Variants in QRICH1 observed in about 807,000 individuals in gnomAD.
QRICH1 encodes the protein glutamine rich 1.
QRICH1 carries 16 observed loss-of-function variants against 87.1 expected under a neutral mutation model. The ratio of observed to expected loss-of-function variants is 0.18; its 90% CI spans 0.12 to 0.28. The LOEUF (loss-of-function observed/expected upper bound fraction) is 0.28. Among genes scored for constraint, QRICH1 ranks in the 10% least tolerant of loss-of-function variants. The pLI is 1.00. For synonymous variants in QRICH1, 367 were observed against 368.4 expected (o/e 1.00, Z 0.05); for missense variants, 647 against 951.7 (o/e 0.68, Z 4.21).
At position 49,035,922 on chromosome 3, in the gene QRICH1, A is replaced by C. The variant is rs7628301; in HGVS notation, c.1787-2694T>G. On this transcript the variant is annotated intron_variant, in intron 6 of 9. Coordinates refer to ENST00000395443, the MANE Select transcript of QRICH1 (RefSeq NM_198880.3). Reference sequence around the variant, plus strand: ...AAACCCCATTTCTACAAAAAAAAAAAAAAAAACAAAAACTAGCCAGGTGTG... The same window carrying C: ...AAACCCCATTTCTACAAAAAAAAAACAAAAAACAAAAACTAGCCAGGTGTG... 1.0e-3 allele frequency among the ~76,000 whole-genome samples: 152 copies of C among 149,486 alleles called. 1 individual carries two copies. Among genetic ancestry groups the C allele is most frequent in the African/African-American group, 2.4e-3 (98 of 40,738 alleles).
rs780690515 is a variant in QRICH1 at position 49,030,186 on chromosome 3, CAA to C, written c.*264_*265del. On this transcript the variant is annotated 3_prime_UTR_variant, in exon 10 of 10. Transcript: ENST00000395443. The stretch of plus-strand genomic sequence containing the variant: ...CCAAGCCCTTTCCCCAGGCCCCAGA[CAA>C]AAAAGAGTCAGCCAGCAACTTTCTA... 4 of 508,920 alleles carry C rather than the reference CAA, an allele frequency of 7.9e-6. No homozygotes were observed. Among genetic ancestry groups the C allele is most frequent in the African/African-American group, 4.0e-5 (2 of 49,594 alleles). 31.5% of individuals were successfully genotyped at this position (508,920 alleles called of 1,614,324 possible).
chr3:49,092,197 T>TA (rs1458948596), intron 1 of QRICH1: 8 of 152,212 alleles, frequency 5.3e-5, no homozygotes, highest in Admixed American at 1.3e-4. Context: ...TCCACTGACT[T>TA]ATATCCTAAG....
chr3:49,092,465 G>C (rs1422473746), intron 1 of QRICH1: 1 of 151,910 alleles, frequency 6.6e-6, no homozygotes, highest in Non-Finnish European at 1.5e-5. Context: ...TTCTGAAGAA[G>C]ATAGAACAAA....
intron 1 of QRICH1, among the ~76,000 whole-genome samples, chr3:49,092,996 G>C (rs1017332854): frequency 1.3e-5 from 2 of 152,192 alleles, no homozygotes; most frequent in African/African-American, 4.8e-5. Context: ...TTTAGAGCTC[G>C]GAGTTCACAT....
chr3:49,079,840 C>T (rs1161573999), intron 1 of QRICH1, among the ~76,000 whole-genome samples: 1 of 152,082 alleles, frequency 6.6e-6, no homozygotes. Flanking sequence ...ACCAGCCTGG[C>T]CAACAAGGCG....
At chr3:49,031,879 C>G (rs1361487941) in intron 9 of QRICH1, among the ~76,000 whole-genome samples, 1 of 152,158 alleles carries the variant, frequency 6.6e-6, no homozygotes, top group Non-Finnish European at 1.5e-5. Context: ...GACAAAAGGT[C>G]AAGGTCAGGA....
intron 9 of QRICH1, among the ~76,000 whole-genome samples, chr3:49,031,910 G>GT (rs1406161947): frequency 6.6e-6 from 1 of 152,206 alleles, no homozygotes; most frequent in Non-Finnish European, 1.5e-5. Flanking sequence ...TGCTCAATAT[G>GT]TGATGAAGGT....
chr3:49,048,454 C>T (rs1479544503), intron 3 of QRICH1, among the ~76,000 whole-genome samples: 1 of 149,152 alleles, frequency 6.7e-6, no homozygotes, highest in African/African-American at 2.5e-5. Context: ...CTGGGTCTCA[C>T]CTTGAAATCA....
intron 9 of QRICH1, among the ~76,000 whole-genome samples, chr3:49,031,708 G>A (rs537885728): frequency 6.6e-6 from 1 of 152,338 alleles, no homozygotes; most frequent in East Asian, 1.9e-4. Context: ...AGGAGCTAGT[G>A]TGGCTAGGGA....
intron 2 of QRICH1, among the ~76,000 whole-genome samples, chr3:49,072,408 C>A (rs1039544506): frequency 6.6e-6 from 1 of 151,804 alleles, no homozygotes; most frequent in Non-Finnish European, 1.5e-5. Context: ...CGCCTGTGGT[C>A]CCATGTACTC....
Position 49,029,775 on chromosome 3 carries a change from G to A in QRICH1, c.*677C>T, listed in dbSNP as rs911211895. ...AAGAATACATAAGAGAAACAGAGTG[G>A]TATCTTTATATGATACACAAGTGTA... On this transcript the variant is annotated 3_prime_UTR_variant, in exon 10 of 10. Coordinates refer to ENST00000395443, the MANE Select transcript of QRICH1 (RefSeq NM_198880.3). The A allele has an allele frequency of 3.5e-6, 1 of 289,398 alleles. No individual in the cohort carries two copies. Among genetic ancestry groups the A allele is most frequent in the Non-Finnish European group, 6.8e-6 (1 of 147,834 alleles). 17.9% of individuals were successfully genotyped at this position (289,398 alleles called of 1,614,324 possible). A position where few individuals can be genotyped will look rare whatever the true frequency, so the allele number is the denominator to read the frequency against.
intron 6 of QRICH1, among the ~76,000 whole-genome samples, chr3:49,042,659 G>A (rs1370129653): frequency 2.0e-5 from 3 of 151,564 alleles, no homozygotes; most frequent in South Asian, 2.1e-4. Context: ...CACAACCTCC[G>A]ACTCCCTGGT....
At chr3:49,061,442 G>C (rs928798774) in intron 2 of QRICH1, among the ~76,000 whole-genome samples, 1 of 152,068 alleles carries the variant, frequency 6.6e-6, no homozygotes, top group East Asian at 1.9e-4. Context: ...GCATGCAAAA[G>C]AGCATGAAAA....
intron 1 of QRICH1, chr3:49,083,290 G>A (rs1222677954): frequency 6.6e-6 from 1 of 151,726 alleles, no homozygotes; most frequent in Non-Finnish European, 1.5e-5. Context: ...GAAACAGGAG[G>A]ATTGCTTGAG....
intron 6 of QRICH1, among the ~76,000 whole-genome samples, chr3:49,043,367 G>A (rs1020052558): frequency 1.3e-5 from 2 of 151,486 alleles, no homozygotes; most frequent in African/African-American, 4.9e-5. Flanking sequence ...GTGGTGGCAT[G>A]CTCCTGTAAT....
At chr3:49,065,709 C>T (rs1317232455) in intron 2 of QRICH1, among the ~76,000 whole-genome samples, 1 of 150,220 alleles carries the variant, frequency 6.7e-6, no homozygotes, top group Non-Finnish European at 1.5e-5. Context: ...GAGACGGAGT[C>T]TCCCTCTGTC....
At chr3:49,068,691 C>T (rs1032778382) in intron 2 of QRICH1, among the ~76,000 whole-genome samples, 11 of 151,310 alleles carry the variant, frequency 7.3e-5, no homozygotes, top group South Asian at 2.1e-4. Context: ...TGCAGTGGCA[C>T]GATCTCGGCT....
intron 1 of QRICH1, among the ~76,000 whole-genome samples, chr3:49,086,414 G>A (rs950061754): frequency 5.9e-5 from 9 of 151,594 alleles, no homozygotes; most frequent in African/African-American, 9.7e-5. Context: ...CCACCACCAC[G>A]CCCGGCTAAT....
chr3:49,093,587 CA>C (rs2042322252), intron 1 of QRICH1: 1 of 153,022 alleles, frequency 6.5e-6, no homozygotes, highest in African/African-American at 2.4e-5. Flanking sequence ...GCTCCTAGAG[CA>C]GAGATATCCG....
Sources: allele counts gnomAD v4.1 joint callset (sites outside exome capture counted in the v4.1 genomes callset), GRCh38; gene constraint gnomAD v4.1.1; transcripts MANE v1.5; gene names NCBI Gene and HGNC (gene_info 2026-07-23, HGNC 2026-07-21).